PRKAR1B: variants seen among roughly 807,000 people sequenced by gnomAD.
PRKAR1B encodes the protein protein kinase cAMP-dependent type I regulatory subunit beta, also known as cAMP-dependent protein kinase type I-beta regulatory subunit.
In PRKAR1B, 22 loss-of-function variants were observed where a neutral mutation model predicts 46.5. The ratio of observed to expected loss-of-function variants is 0.47; its 90% CI spans 0.34 to 0.68. The LOEUF is 0.68. PRKAR1B is among the 30% of genes least tolerant of loss of function. The pLI, the probability that PRKAR1B is intolerant of heterozygous loss-of-function variation, is 0.01. For synonymous variants in PRKAR1B, 259 were observed against 217.7 expected, an observed-to-expected ratio of 1.19 and a Z score of -1.67; for missense variants, 445 against 535.6, an observed-to-expected ratio of 0.83 and a Z score of 1.67.
chr7:710,259 G>A (rs748051578), intron 2 of PRKAR1B, among the ~76,000 whole-genome samples: 15 of 152,160 alleles, frequency 9.9e-5, no homozygotes, highest in Non-Finnish European at 2.1e-4. Flanking sequence ...CCCCAGGAGA[G>A]ATGGGCACAG....
chr7:705,598 G>T (rs1780282644), intron 2 of PRKAR1B, among the ~76,000 whole-genome samples: 2 of 152,162 alleles, frequency 1.3e-5, no homozygotes, highest in South Asian at 4.1e-4. Flanking sequence ...AATATTTATA[G>T]CAGCTTTATT....
At chr7:716,752 T>G (rs1203924143) in intron 1 of PRKAR1B, 2 of 152,188 alleles carry the variant, frequency 1.3e-5, no homozygotes. Context: ...ATGTCGTGGT[T>G]TGAGGTGGGA....
At chr7:636,434 G>A (rs542856776) in intron 4 of PRKAR1B, among the ~76,000 whole-genome samples, 50 of 87,686 alleles carry the variant, frequency 5.7e-4, no homozygotes, top group Middle Eastern at 6.0e-3. Flanking sequence ...GTCCTCCACC[G>A]GCCGCGCCCT....
chr7:630,775 A>G (rs9690480), intron 4 of PRKAR1B, among the ~76,000 whole-genome samples: 111,004 of 151,768 alleles, frequency 0.73, 40,915 homozygotes, highest in South Asian at 0.9. Flanking sequence ...AGCCACCCCC[A>G]GGCCCAGTCA....
At chr7:583,249 C>T (rs1362885373) in intron 8 of PRKAR1B, among the ~76,000 whole-genome samples, 1 of 152,148 alleles carries the variant, frequency 6.6e-6, no homozygotes, top group Non-Finnish European at 1.5e-5. Flanking sequence ...CCCGCACGCT[C>T]CTTTCTCGAC....
At chr7:619,976 G>A (rs949127270) in intron 4 of PRKAR1B, among the ~76,000 whole-genome samples, 14 of 150,982 alleles carry the variant, frequency 9.3e-5, no homozygotes, top group Admixed American at 2.6e-4. Flanking sequence ...TCAGCCTCCT[G>A]AGTAGCTGGG....
intron 9 of PRKAR1B, among the ~76,000 whole-genome samples, chr7:571,807 C>T (rs1288650148): frequency 6.6e-6 from 1 of 152,186 alleles, no homozygotes; most frequent in Non-Finnish European, 1.5e-5. Context: ...CCCACCCAGC[C>T]CCGGCCGAAT....
At chr7:634,461 G>A (rs1213565342) in intron 4 of PRKAR1B, among the ~76,000 whole-genome samples, 8 of 152,084 alleles carry the variant, frequency 5.3e-5, no homozygotes, top group Non-Finnish European at 1.0e-4. Flanking sequence ...CTGGGCAACA[G>A]AGCAAGACCC....
At chr7:650,211 C>T (rs1289349429) in intron 4 of PRKAR1B, among the ~76,000 whole-genome samples, 5 of 152,106 alleles carry the variant, frequency 3.3e-5, no homozygotes, top group Non-Finnish European at 2.9e-5. Context: ...GTGAGTGTGC[C>T]TTCTCTGATG....
intron 2 of PRKAR1B, among the ~76,000 whole-genome samples, chr7:695,652 CTTGT>C (rs1779690379): frequency 6.6e-6 from 1 of 151,170 alleles, no homozygotes; most frequent in African/African-American, 2.5e-5. Flanking sequence ...GTCAATAGGG[CTTGT>C]TTTTTTTGTT....
chr7:724,706 A>G (rs1781187615), intron 1 of PRKAR1B, among the ~76,000 whole-genome samples: 1 of 152,236 alleles, frequency 6.6e-6, no homozygotes, highest in African/African-American at 2.4e-5. Context: ...TCATTCTCTC[A>G]GGACCACCAC....
chr7:715,916 C>T (rs564890804), intron 1 of PRKAR1B, among the ~76,000 whole-genome samples: 101 of 152,192 alleles, frequency 6.6e-4, no homozygotes, highest in Admixed American at 1.4e-3. Flanking sequence ...GGGGTTTCAC[C>T]GTGTTAGCCA....
chr7:713,474 C>G (rs537874226), intron 1 of PRKAR1B, among the ~76,000 whole-genome samples: 121 of 152,186 alleles, frequency 8.0e-4, no homozygotes, highest in Admixed American at 2.2e-3. Context: ...CACACCATCT[C>G]CCACTCACCC....
chr7:638,114 G>A (rs1297865666), intron 4 of PRKAR1B, among the ~76,000 whole-genome samples: 5 of 152,246 alleles, frequency 3.3e-5, no homozygotes, highest in Admixed American at 6.5e-5. Flanking sequence ...GCCCAGGCCC[G>A]CGTGGGCACC....
At chr7:573,139 C>A (rs1779620378) in intron 9 of PRKAR1B, among the ~76,000 whole-genome samples, 2 of 152,230 alleles carry the variant, frequency 1.3e-5, no homozygotes, top group South Asian at 4.1e-4. Context: ...CTGATCCCTG[C>A]ACCCCGGGGT....
At chr7:695,879 T>C (rs970562428) in intron 2 of PRKAR1B, among the ~76,000 whole-genome samples, 2 of 151,944 alleles carry the variant, frequency 1.3e-5, no homozygotes, top group African/African-American at 2.4e-5. Flanking sequence ...TTAGCCATGA[T>C]GGTCTCGATC....
At chr7:597,250 C>A (rs1781317243) in intron 6 of PRKAR1B, among the ~76,000 whole-genome samples, 1 of 152,216 alleles carries the variant, frequency 6.6e-6, no homozygotes, top group Non-Finnish European at 1.5e-5. Context: ...TTACTGAAAT[C>A]AATGACTCAT....
At chr7:601,762 G>A (rs951351143) in intron 6 of PRKAR1B, among the ~76,000 whole-genome samples, 1 of 152,232 alleles carries the variant, frequency 6.6e-6, no homozygotes, top group Non-Finnish European at 1.5e-5. Flanking sequence ...CCCGCAGGGG[G>A]CCCGGCCATC....
chr7:569,622 G>C (rs1172253654), intron 9 of PRKAR1B, among the ~76,000 whole-genome samples: 1 of 152,240 alleles, frequency 6.6e-6, no homozygotes, highest in Non-Finnish European at 1.5e-5. Context: ...ATGTGGGTCA[G>C]AGCCGGGTGG....
Sources: gnomAD v4.1 joint callset for allele counts (sites outside exome capture counted in the v4.1 genomes callset) on GRCh38, gnomAD v4.1.1 for gene constraint, MANE v1.5 for transcripts, NCBI Gene and HGNC (gene_info 2026-07-23, HGNC 2026-07-21) for gene names.